The following MYO5B variants were observed in gnomAD, a reference collection of about 807,000 sequenced individuals.
The protein encoded by MYO5B is unconventional myosin-Vb.
Under a neutral mutation model 229.3 loss-of-function variants are expected in MYO5B, and 143 were observed. The observed-to-expected ratio is 0.62, with a 90% CI of 0.54 to 0.72. The LOEUF is 0.72. Among genes scored for constraint, MYO5B ranks in the 30% least tolerant of loss-of-function variants. MYO5B has a pLI of 0.00. For synonymous variants in MYO5B, 918 were observed against 885.2 expected, an observed-to-expected ratio of 1.04 and a Z score of -0.66; for missense variants, 2,321 against 2,331.0, an observed-to-expected ratio of 1.00 and a Z score of 0.09.
chr18:49,902,642 C>T lies in MYO5B; in HGVS notation c.2763G>A (p.Val921=), dbSNP rs765058220. 2 of 1,613,440 alleles carry T rather than the reference C, an allele frequency of 1.2e-6. No individual in the cohort carries two copies. Among genetic ancestry groups the T allele is most frequent in the African/African-American group, 2.7e-5 (2 of 75,060 alleles). The change falls in exon 21 of 40, where the codon GTG becomes GTA. Residue 921 remains valine, a synonymous_variant. Transcript: ENST00000285039. ...RSAEHLKRLN[V]GMENKVVQLQ... ...GCTGGACCACCTTGTTCTCCATGCCCACGTTGAGACGTTTCAGATGCTCTG... is the reference window on the plus strand; with the variant it reads ...GCTGGACCACCTTGTTCTCCATGCCTACGTTGAGACGTTTCAGATGCTCTG...
chr18:50,001,561 C>T (rs2026047540), intron 4 of MYO5B, 150 bp from the exon 5 acceptor site: 4 of 963,096 alleles, frequency 4.2e-6, no homozygotes, highest in South Asian at 4.0e-5. Context: ...AAATAGTCTG[C>T]CCTCCCCGAC....
intron 15 of MYO5B, among the ~76,000 whole-genome samples, chr18:49,936,845 A>G (rs1010650301): frequency 6.6e-6 from 1 of 152,150 alleles, no homozygotes. Context: ...CTCTCCAGAG[A>G]CACAATGGGC....
Position 50,033,385 on chromosome 18 carries a change from C to T in MYO5B, c.455+3465G>A, listed in dbSNP as rs181805879. Among the ~76,000 whole-genome samples, 6 of 152,252 alleles carry T rather than the reference C, an allele frequency of 3.9e-5. No individual in the cohort carries two copies. In the East Asian group the frequency reaches 5.8e-4, roughly 15 times the overall value. On this transcript the variant is annotated intron_variant, in intron 4 of 39. Coordinates refer to ENST00000285039, the MANE Select transcript of MYO5B (RefSeq NM_001080467.3). The stretch of plus-strand genomic sequence containing the variant: ...CGATCTGTGACATTAGGTCTCCAAG[C>T]GCAATTTAAATGACACCGTGGCACA...
chr18:50,175,679 G>C (rs2032985436), intron 1 of MYO5B, among the ~76,000 whole-genome samples: 1 of 152,186 alleles, frequency 6.6e-6, no homozygotes, highest in South Asian at 2.1e-4. Flanking sequence ...TTTCAGGTGG[G>C]CAAGAAGTTT....
At chr18:50,088,794 T>G (rs1239461509) in intron 1 of MYO5B, among the ~76,000 whole-genome samples, 6 of 152,212 alleles carry the variant, frequency 3.9e-5, no homozygotes, top group Non-Finnish European at 5.9e-5. Context: ...GTCATTGTTT[T>G]GCATATCTAT....
chr18:49,992,474 C>T, intron 5 of MYO5B, 43 bp from the exon 6 acceptor site: 2 of 1,613,848 alleles, frequency 1.2e-6, no homozygotes, highest in Non-Finnish European at 1.7e-6. Flanking sequence ...AAAAAGAGGG[C>T]TTTCTTGATT....
chr18:50,142,647 C>T (rs2032435844), intron 1 of MYO5B, among the ~76,000 whole-genome samples: 1 of 152,184 alleles, frequency 6.6e-6, no homozygotes, highest in Non-Finnish European at 1.5e-5. Flanking sequence ...GTCTGCCTTG[C>T]TCTGTAGTGT....
chr18:49,891,669 C>G (rs1004436095), intron 22 of MYO5B, among the ~76,000 whole-genome samples: 1 of 152,110 alleles, frequency 6.6e-6, no homozygotes, highest in Non-Finnish European at 1.5e-5. Flanking sequence ...GCACAACCCC[C>G]TCTTGGCTGG....
chr18:50,091,304 AC>A (rs1236061615), intron 1 of MYO5B, among the ~76,000 whole-genome samples: 1 of 152,124 alleles, frequency 6.6e-6, no homozygotes, highest in East Asian at 1.9e-4. Context: ...CCCCTCCAAT[AC>A]CCAGACTGAC....
intron 18 of MYO5B, among the ~76,000 whole-genome samples, chr18:49,907,324 C>T (rs1193650532): frequency 1.3e-5 from 2 of 152,200 alleles, no homozygotes; most frequent in African/African-American, 4.8e-5. Flanking sequence ...CAGTTGTATG[C>T]ATAATTACAG....
intron 38 of MYO5B, 78 bp downstream of exon 38, chr18:49,836,633 C>A (rs745752578): frequency 5.2e-6 from 8 of 1,543,100 alleles, no homozygotes; most frequent in Non-Finnish European, 4.5e-6. Flanking sequence ...AACAAATAAC[C>A]ACCAACGAGA....
At chr18:49,978,254 T>TCCACACAAACA (rs1290869262) in intron 9 of MYO5B, among the ~76,000 whole-genome samples, 1 of 151,948 alleles carries the variant, frequency 6.6e-6, no homozygotes, top group Non-Finnish European at 1.5e-5. Context: ...ACACAAACAC[T>TCCACACAAACA]CAGTGGGTAC....
chr18:49,861,451 G>A (rs2024328451), intron 29 of MYO5B, among the ~76,000 whole-genome samples: 1 of 152,008 alleles, frequency 6.6e-6, no homozygotes, highest in Non-Finnish European at 1.5e-5. Context: ...AGTATCACCT[G>A]GGCTTTTTCT....
chr18:50,103,236 T>C (rs1174081262), intron 1 of MYO5B, among the ~76,000 whole-genome samples: 1 of 152,266 alleles, frequency 6.6e-6, no homozygotes, highest in Non-Finnish European at 1.5e-5. Context: ...AACTAGGTGC[T>C]GCCTAGCCAT....
In MYO5B at chr18:49,906,576, C is replaced by A. The variant is rs1473535020; in HGVS notation, c.2257G>T (p.Val753Leu). 1.2e-6 allele frequency: 2 copies of A among 1,614,048 alleles called. No homozygotes were observed. The highest frequency in any genetic ancestry group is 1.3e-5 in the African/African-American group (1 of 74,944). ...RTKIFFRAGQ[V>L]AYLEKLRADK... Reference sequence around the variant, plus strand: ...GCCCGCAGCTTCTCCAGGTAGGCCACCTGGCCTGCTCGAAAGAAGATCTTG... The same window carrying A: ...GCCCGCAGCTTCTCCAGGTAGGCCAACTGGCCTGCTCGAAAGAAGATCTTG... Residue 753 changes from valine to leucine, a missense_variant, in exon 19 of 40, where the codon GTG becomes TTG. Around this residue, in one of 2 missense-constraint regions of MYO5B, gnomAD observed 2,113 missense variants for 2,044.7 expected, o/e 1.03. Transcript: ENST00000285039.
chr18:49,993,687 T>C (rs1042651639), intron 5 of MYO5B, among the ~76,000 whole-genome samples: 4 of 152,118 alleles, frequency 2.6e-5, no homozygotes, highest in African/African-American at 7.2e-5. Context: ...CCTACTGCCA[T>C]AGCCTTAGCC....
At chr18:50,117,086 A>T (rs1286980391) in intron 1 of MYO5B, among the ~76,000 whole-genome samples, 1 of 152,152 alleles carries the variant, frequency 6.6e-6, no homozygotes, top group South Asian at 2.1e-4. Context: ...CTGAATATTC[A>T]TCTATATTTG....
At chr18:49,843,664 G>A (rs1015413075) in intron 33 of MYO5B, among the ~76,000 whole-genome samples, 2 of 152,198 alleles carry the variant, frequency 1.3e-5, no homozygotes, top group African/African-American at 2.4e-5. Flanking sequence ...GGCTTCTAAT[G>A]CCTCAGCCTA....
chr18:49,868,999 G>A (rs1180922696), intron 27 of MYO5B, among the ~76,000 whole-genome samples: 3 of 152,202 alleles, frequency 2.0e-5, no homozygotes, highest in South Asian at 2.1e-4. Flanking sequence ...TCTTCCTAGA[G>A]TAGCCTCATC....
Sources: gnomAD v4.1 joint callset for allele counts (sites outside exome capture counted in the v4.1 genomes callset) on GRCh38, gnomAD v4.1.1 for gene constraint, gnomAD v4.1.1 regional missense constraint, MANE v1.5 for transcripts, NCBI Gene and HGNC (gene_info 2026-07-23, HGNC 2026-07-21) for gene names.